Variants in COL3A1 observed in about 807,000 individuals in gnomAD.
COL3A1 encodes the protein collagen type III alpha 1 chain.
A neutral mutation model predicts 200.9 loss-of-function variants in COL3A1; 46 were observed. That is an observed-to-expected ratio of 0.23 (90% CI 0.18 to 0.29). COL3A1 has a LOEUF of 0.29. Ranked by LOEUF, COL3A1 falls within the 10% of genes least tolerant of loss-of-function variation. The pLI is 1.00. For synonymous variants in COL3A1, 650 were observed against 628.0 expected, an observed-to-expected ratio of 1.03 and a Z score of -0.52; for missense variants, 1,367 against 1,917.6, an observed-to-expected ratio of 0.71 and a Z score of 5.36.
chr2:189,011,504 A>G (rs2153504422), intron 50 of COL3A1, 124 bp from the exon 51 acceptor site: 1 of 1,086,260 alleles, frequency 9.2e-7, no homozygotes, highest in African/African-American at 1.6e-5. Context: ...TCTCATATAC[A>G]TGAATAATAA....
chr2:189,011,549 G>A (rs1428666073), intron 50 of COL3A1, 79 bp from the exon 51 acceptor site: 5 of 1,557,106 alleles, frequency 3.2e-6, no homozygotes, highest in Non-Finnish European at 4.4e-6. Context: ...GAGTAAAAAG[G>A]TTTTCTTTAA....
chr2:188,977,460 C>T (rs1012559223), intron 1 of COL3A1, among the ~76,000 whole-genome samples: 2 of 151,962 alleles, frequency 1.3e-5, no homozygotes, highest in Admixed American at 1.3e-4. Context: ...TTGTAACTTG[C>T]TCAGGTAACA....
At chr2:189,010,918 C>A in intron 50 of COL3A1, 28 bp downstream of exon 50, 2 of 1,613,438 alleles carry the variant, frequency 1.2e-6, no homozygotes, top group South Asian at 2.2e-5. Context: ...CAATATAGGT[C>A]ATAAAGCAGT....
intron 1 of COL3A1, among the ~76,000 whole-genome samples, chr2:188,981,596 T>C (rs1015085820): frequency 6.6e-6 from 1 of 151,538 alleles, no homozygotes; most frequent in Non-Finnish European, 1.5e-5. Context: ...CTACTCTGAA[T>C]GCAGATATCT....
chr2:188,996,134 G>A lies in COL3A1; in HGVS notation c.1618G>A (p.Gly540Arg), dbSNP rs587779584. 6.2e-7 allele frequency: 1 copy of A among 1,613,170 alleles called. No homozygotes were observed. The highest frequency in any genetic ancestry group is 8.5e-7 in the Non-Finnish European group (1 of 1,179,568). The stretch of plus-strand genomic sequence containing the variant: ...GACTTCTTTACTTCAGGGCATGCCC[G>A]GAAGTCCAGGAGGACCAGGAAGTGA... ...PGGPGMRGMP[G>R]SPGGPGSDGK... Residue 540 changes from glycine to arginine, a missense_variant, in exon 23 of 51, where the codon GGA becomes AGA. Physicochemically the swap from Gly to Arg is moderately radical, Grantham distance 125 (BLOSUM62 -2). Transcript: ENST00000304636.
Position 188,974,395 on chromosome 2 carries a change from G to C in COL3A1, c.-95G>C. Reference sequence around the variant, plus strand: ...AGTGGCTGAGTTTTATGACGGGCCCGGTGCTGAAGGGCAGGGAACAACTTG... The same window carrying C: ...AGTGGCTGAGTTTTATGACGGGCCCCGTGCTGAAGGGCAGGGAACAACTTG... On this transcript the variant is annotated 5_prime_UTR_variant, in exon 1 of 51. Transcript: ENST00000304636. The C allele has an allele frequency of 1.1e-6, 1 of 880,552 alleles. No individual in the cohort carries two copies. 54.5% of individuals were successfully genotyped at this position (880,552 alleles called of 1,614,324 possible).
Position 188,985,789 on chromosome 2 carries a change from T to G in COL3A1, c.447+11T>G, listed in dbSNP as rs766680161. 6.3e-7 allele frequency: 1 copy of G among 1,576,438 alleles called. No homozygotes were observed. The highest frequency in any genetic ancestry group is 2.2e-5 in the East Asian group (1 of 44,618). On this transcript the variant is annotated intron_variant, in intron 4 of 50. Transcript: ENST00000304636. ...CCTACTGGTCCTCAGGTATAACAAT[T>G]ACGGTACTTAAAAAATTCCCTCATA...
At chr2:189,010,109 G>A (rs1688687191) in intron 48 of COL3A1, 69 bp from the exon 49 acceptor site, 2 of 1,496,524 alleles carry the variant, frequency 1.3e-6, no homozygotes, top group African/African-American at 1.4e-5. Context: ...GCCTTTACAG[G>A]TAAACAAACA....
intron 40 of COL3A1, among the ~76,000 whole-genome samples, chr2:189,005,125 A>G (rs1025354952): frequency 5.3e-5 from 8 of 152,222 alleles, no homozygotes; most frequent in Non-Finnish European, 8.8e-5. Flanking sequence ...TAGATAATCA[A>G]TGTAACTATT....
At chr2:188,993,481 G>C (rs542349132) in intron 16 of COL3A1, 22 bp downstream of exon 16, 2 of 1,522,978 alleles carry the variant, frequency 1.3e-6, no homozygotes, top group African/African-American at 1.4e-5. Context: ...AGTTGAGAGG[G>C]AGTAAGCATA....
intron 50 of COL3A1, 121 bp downstream of exon 50, chr2:189,011,011 G>A (rs939756822): frequency 1.5e-6 from 2 of 1,305,452 alleles, no homozygotes; most frequent in Non-Finnish European, 2.2e-6. Flanking sequence ...CATTTGGTAT[G>A]AATTACATAC....
chr2:189,002,261 A>C lies in COL3A1; in HGVS notation c.2392-37A>C, dbSNP rs1466569581. ...TTCCTGCCTAAAGGAGATGACGCACACTTCACTGTGACTAAGGAGGATATT... is the reference window on the plus strand; with the variant it reads ...TTCCTGCCTAAAGGAGATGACGCACCCTTCACTGTGACTAAGGAGGATATT... On this transcript the variant is annotated intron_variant, in intron 34 of 50. Coordinates refer to ENST00000304636, the MANE Select transcript of COL3A1 (RefSeq NM_000090.4). 1.9e-6 allele frequency: 3 copies of C among 1,560,654 alleles called. No individual in the cohort carries two copies. The South Asian group carries it at 3.3e-5, about 17-fold the overall frequency.
intron 23 of COL3A1, 100 bp from the exon 24 acceptor site, chr2:188,996,296 CTA>C (rs754313098): frequency 1.2e-4 from 78 of 651,216 alleles, no homozygotes; most frequent in Middle Eastern, 4.4e-4. Flanking sequence ...ATATGTATAT[CTA>C]TATATATACA....
In COL3A1 at chr2:188,995,040, T is replaced by C. The variant is rs1164693876; in HGVS notation, c.1456-6T>C. 1 of 1,614,118 alleles carries C rather than the reference T, an allele frequency of 6.2e-7. No homozygotes were observed. The highest frequency in any genetic ancestry group is 8.5e-7 in the Non-Finnish European group (1 of 1,179,960). ...GACTGAAATACTTGTCTTTCATTAT[T>C]TTCAGGGTGCCCCTGGGTTCCGAGG... On this transcript the variant is annotated splice_polypyrimidine_tract_variant and splice_region_variant and intron_variant, in intron 20 of 50. Coordinates refer to ENST00000304636, the MANE Select transcript of COL3A1 (RefSeq NM_000090.4).
intron 1 of COL3A1, among the ~76,000 whole-genome samples, chr2:188,977,504 T>C (rs1687847416): frequency 1.3e-5 from 2 of 152,100 alleles, no homozygotes; most frequent in South Asian, 4.1e-4. Flanking sequence ...GTCCCTACAA[T>C]TAAACACACT....
At chr2:189,003,924 A>T in intron 38 of COL3A1, 58 bp from the exon 39 acceptor site, 1 of 1,566,448 alleles carries the variant, frequency 6.4e-7, no homozygotes, top group Middle Eastern at 1.8e-4. Context: ...AAGTAAAAAA[A>T]GAAAGAAAAA....
intron 1 of COL3A1, among the ~76,000 whole-genome samples, chr2:188,984,032 CA>C (rs751095266): frequency 3.3e-5 from 5 of 151,900 alleles, no homozygotes; most frequent in Admixed American, 6.6e-5. Context: ...GCCACAAATA[CA>C]GATGGTTATG....
chr2:189,007,229 T>C (rs1688614446), intron 44 of COL3A1, among the ~76,000 whole-genome samples: 1 of 148,698 alleles, frequency 6.7e-6, no homozygotes. Context: ...TAAACTTTCC[T>C]TTAATGACAA....
At position 188,984,799 on chromosome 2, in the gene COL3A1, C is replaced by T. The variant is rs201380807; in HGVS notation, c.119C>T (p.Ala40Val). Residue 40 changes from alanine (A) to valine (V), a missense_variant, in exon 2 of 51, where the codon GCG becomes GTG. This residue lies in a region of COL3A1 where 55 missense variants were observed against 51.5 expected (regional missense o/e 1.07). Transcript: ENST00000304636. Reference sequence around the variant, plus strand: ...TGTTCCCATCTTGGTCAGTCCTATGCGGATAGAGATGTCTGGAAGCCAGAA... The same window carrying T: ...TGTTCCCATCTTGGTCAGTCCTATGTGGATAGAGATGTCTGGAAGCCAGAA... Reference protein sequence around the residue: ...GGCSHLGQSYADRDVWKPEPC... With the variant: ...GGCSHLGQSYVDRDVWKPEPC... 26 of 1,612,888 alleles carry T rather than the reference C, an allele frequency of 1.6e-5. 1 individual carries two copies. The East Asian group carries it at 2.9e-4, about 18-fold the overall frequency.
Sources: gnomAD v4.1 joint callset for allele counts (sites outside exome capture counted in the v4.1 genomes callset) on GRCh38, gnomAD v4.1.1 for gene constraint, gnomAD v4.1.1 regional missense constraint, MANE v1.5 for transcripts, NCBI Gene and HGNC (gene_info 2026-07-23, HGNC 2026-07-21) for gene names.